The following KIF18A variants were observed in gnomAD, a reference collection of about 807,000 sequenced individuals.
The protein encoded by KIF18A is kinesin-like protein KIF18A.
In KIF18A, 67 loss-of-function variants were observed where a neutral mutation model predicts 103.3. That is an observed-to-expected ratio of 0.65 (90% CI 0.53 to 0.79). KIF18A has a LOEUF of 0.79. Among genes scored for constraint, KIF18A ranks in the 30% least tolerant of loss-of-function variants. The probability of loss-of-function intolerance (pLI) is 0.00; values close to 1 mark genes in which losing one functional copy is unlikely to be tolerated. For missense variants in KIF18A, 1,032 were observed against 1,062.5 expected, an observed-to-expected ratio of 0.97 and a Z score of 0.40; for synonymous variants, 367 against 355.5, an observed-to-expected ratio of 1.03 and a Z score of -0.36.
intron 5 of KIF18A, among the ~76,000 whole-genome samples, chr11:28,089,577 A>C (rs1038730834): frequency 1.3e-5 from 2 of 152,198 alleles, no homozygotes. Flanking sequence ...CATTATGATG[A>C]GTATGACATC....
At chr11:28,100,528 G>A (rs1386510453) in intron 1 of KIF18A, among the ~76,000 whole-genome samples, 1 of 132,124 alleles carries the variant, frequency 7.6e-6, no homozygotes, top group Non-Finnish European at 1.6e-5. Flanking sequence ...GGAAAGGACT[G>A]TTTCAAAGGG....
intron 10 of KIF18A, among the ~76,000 whole-genome samples, 170 bp from the exon 11 acceptor site, chr11:28,069,593 C>A (rs1163676772): frequency 6.6e-6 from 1 of 151,864 alleles, no homozygotes; most frequent in Non-Finnish European, 1.5e-5. Flanking sequence ...CTACTGCTTG[C>A]AAGAAAATAG....
chr11:28,038,816 T>C (rs1289024153), intron 13 of KIF18A, among the ~76,000 whole-genome samples: 1 of 151,730 alleles, frequency 6.6e-6, no homozygotes, highest in Non-Finnish European at 1.5e-5. Flanking sequence ...AAAATAATTT[T>C]CCACTCCCTT....
chr11:28,102,936 C>T (rs1252181953), intron 1 of KIF18A, among the ~76,000 whole-genome samples: 1 of 152,116 alleles, frequency 6.6e-6, no homozygotes. Context: ...AATTCTTCAA[C>T]CATGTTTAAT....
intron 9 of KIF18A, among the ~76,000 whole-genome samples, chr11:28,077,657 T>C (rs1190788356): frequency 3.9e-5 from 6 of 152,146 alleles, no homozygotes; most frequent in Non-Finnish European, 7.4e-5. Context: ...GGTGCCTCCA[T>C]GGCCCCCTAG....
Position 28,084,615 on chromosome 11 carries a change from A to G in KIF18A, c.1074+17T>C, listed in dbSNP as rs573876212. Reference sequence around the variant, plus strand: ...CAGACAATACCTTCACAACAAAGGCAGAGTAAACAGACTTACAGAAGATTT... The same window carrying G: ...CAGACAATACCTTCACAACAAAGGCGGAGTAAACAGACTTACAGAAGATTT... On this transcript the variant is annotated intron_variant, in intron 7 of 16. Transcript: ENST00000263181. 3 of 1,570,818 alleles carry G rather than the reference A, an allele frequency of 1.9e-6. No homozygotes were observed. The East Asian group carries it at 6.8e-5, about 35-fold the overall frequency.
At chr11:28,104,808 T>C (rs1851485756) in intron 1 of KIF18A, among the ~76,000 whole-genome samples, 1 of 152,186 alleles carries the variant, frequency 6.6e-6, no homozygotes, top group Admixed American at 6.5e-5. Flanking sequence ...CAGTACAGTT[T>C]TAATAGACTT....
intron 15 of KIF18A, among the ~76,000 whole-genome samples, chr11:28,027,527 G>A (rs979662690): frequency 6.6e-6 from 1 of 151,518 alleles, no homozygotes; most frequent in Non-Finnish European, 1.5e-5. Flanking sequence ...ACTCCCTTCT[G>A]AGACACAAAA....
intron 14 of KIF18A, among the ~76,000 whole-genome samples, 189 bp downstream of exon 14, chr11:28,036,028 C>A (rs550754720): frequency 1.3e-5 from 2 of 151,464 alleles, no homozygotes; most frequent in African/African-American, 4.8e-5. Flanking sequence ...CTTAAGATAT[C>A]AAATTTAAGA....
chr11:28,032,092 C>G (rs943605997), intron 15 of KIF18A, among the ~76,000 whole-genome samples: 2 of 139,694 alleles, frequency 1.4e-5, no homozygotes, highest in Non-Finnish European at 3.0e-5. Flanking sequence ...TATATACAAA[C>G]ACTGAAATAA....
chr11:28,046,317 C>T (rs1223338462), intron 13 of KIF18A, among the ~76,000 whole-genome samples: 2 of 149,204 alleles, frequency 1.3e-5, no homozygotes, highest in East Asian at 2.0e-4. Flanking sequence ...CAATGATAGA[C>T]TGGATTAAGA....
intron 9 of KIF18A, among the ~76,000 whole-genome samples, chr11:28,078,327 C>T (rs1851121831): frequency 6.6e-6 from 1 of 152,120 alleles, no homozygotes; most frequent in Non-Finnish European, 1.5e-5. Context: ...CATTATATTA[C>T]ACCAACGGTA....
intron 13 of KIF18A, among the ~76,000 whole-genome samples, chr11:28,048,292 A>T (rs1047357194): frequency 1.5e-4 from 23 of 152,158 alleles, no homozygotes; most frequent in Admixed American, 1.4e-3. Flanking sequence ...ATAATTAGGC[A>T]AGTTGCAAAA....
At chr11:28,058,016 GATAA>G (rs1458551491) in intron 13 of KIF18A, among the ~76,000 whole-genome samples, 1 of 152,122 alleles carries the variant, frequency 6.6e-6, no homozygotes, top group East Asian at 1.9e-4. Context: ...ATACTGCAAA[GATAA>G]ATATTTAACA....
At chr11:28,080,171 T>C (rs1271512726) in intron 9 of KIF18A, among the ~76,000 whole-genome samples, 1 of 152,122 alleles carries the variant, frequency 6.6e-6, no homozygotes, top group Non-Finnish European at 1.5e-5. Context: ...GTGACATAAC[T>C]GGCTTTGTCT....
chr11:28,055,038 A>T (rs1850760571), intron 13 of KIF18A, among the ~76,000 whole-genome samples: 1 of 152,164 alleles, frequency 6.6e-6, no homozygotes, highest in Admixed American at 6.5e-5. Flanking sequence ...CATCTTGAGT[A>T]CATTATAAAA....
At chr11:28,054,556 T>G (rs1426624113) in intron 13 of KIF18A, among the ~76,000 whole-genome samples, 1 of 152,184 alleles carries the variant, frequency 6.6e-6, no homozygotes, top group African/African-American at 2.4e-5. Flanking sequence ...GTAAAAAGAA[T>G]ATAGTTAATC....
At chr11:28,106,450 CAACT>C (rs1851505968) in intron 1 of KIF18A, among the ~76,000 whole-genome samples, 1 of 150,308 alleles carries the variant, frequency 6.7e-6, no homozygotes, top group East Asian at 2.0e-4. Flanking sequence ...CTACTCCCAC[CAACT>C]TACAACCATC....
At chr11:28,055,220 G>A (rs1850763176) in intron 13 of KIF18A, among the ~76,000 whole-genome samples, 1 of 152,146 alleles carries the variant, frequency 6.6e-6, no homozygotes, top group African/African-American at 2.4e-5. Flanking sequence ...TTTTCTTAAT[G>A]TAAAGGTATA....
Sources: gnomAD v4.1 joint callset for allele counts (sites outside exome capture counted in the v4.1 genomes callset) on GRCh38, gnomAD v4.1.1 for gene constraint, MANE v1.5 for transcripts, NCBI Gene and HGNC (gene_info 2026-07-23, HGNC 2026-07-21) for gene names.